Variants in PC observed in about 807,000 individuals in gnomAD.
The protein encoded by PC is pyruvate carboxylase.
Under a neutral mutation model 107.8 loss-of-function variants are expected in PC, and 46 were observed. The ratio of observed to expected loss-of-function variants is 0.43; its 90% CI spans 0.34 to 0.55. PC has a LOEUF of 0.55. Ranked by LOEUF, PC falls within the 20% of genes least tolerant of loss-of-function variation. The probability of loss-of-function intolerance (pLI) is 0.04; values close to 1 mark genes in which losing one functional copy is unlikely to be tolerated. For synonymous variants in PC, 662 were observed against 684.7 expected (o/e 0.97, Z 0.52); for missense variants, 1,241 against 1,643.1 (o/e 0.76, Z 4.23).
Position 66,871,052 on chromosome 11 carries a change from C to T in PC, c.633G>A (p.Glu211=). Residue 211 remains glutamate, a splice_region_variant and synonymous_variant, in exon 7 of 23, where the codon GAG becomes GAA. Coordinates refer to ENST00000393960, the MANE Select transcript of PC (RefSeq NM_001040716.2). The surrounding 1 kb of genome is among the most constrained non-coding windows in gnomAD (Gnocchi z 7.4). The part of the protein sequence containing the change: ...GRGMRVVHSY[E]ELEENYTRAY... ...CCCAGCCCTGGGCATCTTCACTCAC[C>T]TCGTAGCTGTGCACCACCCTCATGC... The T allele has an allele frequency of 6.2e-7, 1 of 1,614,062 alleles. No individual in the cohort carries two copies. The highest frequency in any genetic ancestry group is 1.3e-5 in the African/African-American group (1 of 75,062).
intron 21 of PC, 98 bp from the exon 22 acceptor site, chr11:66,849,468 C>T: frequency 6.2e-7 from 1 of 1,602,964 alleles, no homozygotes; most frequent in Non-Finnish European, 8.5e-7. Flanking sequence ...GCCTTGGCTC[C>T]TCGTTCCTAA....
At position 66,858,197 on chromosome 11, in the gene PC, C is replaced by T; in HGVS notation, c.1369-4814G>A. ...TCCTAGAGAGCCTGGAGGACCTGGA[C>T]CTGTCCTACAACAACCTCCGGCAGG... On this transcript the variant is annotated intron_variant, in intron 12 of 22. Coordinates refer to ENST00000393960, the MANE Select transcript of PC (RefSeq NM_001040716.2). The surrounding 1 kb of genome is among the most constrained non-coding windows in gnomAD (Gnocchi z 5.9). 1.2e-6 allele frequency: 2 copies of T among 1,612,392 alleles called. No homozygotes were observed. The highest frequency in any genetic ancestry group is 1.7e-6 in the Non-Finnish European group (2 of 1,179,772).
intron 3 of PC, among the ~76,000 whole-genome samples, chr11:66,915,499 C>T (rs901296057): frequency 3.9e-5 from 6 of 152,218 alleles, no homozygotes; most frequent in Non-Finnish European, 8.8e-5. Context: ...CAGTCCTGCT[C>T]GGTAAACAGT....
At position 66,866,313 on chromosome 11, in the gene PC, C is replaced by G. The variant is rs559341503; in HGVS notation, c.1059G>C (p.Glu353Asp). The change falls in exon 11 of 23, where the codon GAG (glutamate) becomes GAC (aspartate). Residue 353 changes from glutamate (E) to aspartate (D), a missense_variant. Coordinates refer to ENST00000393960, the MANE Select transcript of PC (RefSeq NM_001040716.2). This position sits in a 1 kb window ranked among gnomAD's most constrained non-coding sequence, Gnocchi z 5.4. Reference protein sequence around the residue: ...DLVHAQIHVAEGRSLPDLGLR... With the variant: ...DLVHAQIHVADGRSLPDLGLR... ...GGCCCAGGTCGGGTAGGCTCCTGCCCTCAGCCACGTGGATCTGAGCATGGA... is the reference window on the plus strand; with the variant it reads ...GGCCCAGGTCGGGTAGGCTCCTGCCGTCAGCCACGTGGATCTGAGCATGGA... 1.2e-6 allele frequency: 2 copies of G among 1,613,122 alleles called. No homozygotes were observed. Among genetic ancestry groups the G allele is most frequent in the Non-Finnish European group, 1.7e-6 (2 of 1,179,874 alleles).
Position 66,849,696 on chromosome 11 carries a change from T to C in PC, c.3062A>G (p.Lys1021Arg), listed in dbSNP as rs1229618304. 6.2e-7 allele frequency: 1 copy of C among 1,614,218 alleles called. No homozygotes were observed. ...AMYPDVFAHF[K>R]DFTATFGPLD... ...GGGGCCAAAGGTGGCAGTGAAGTCC[T>C]TGAAGTGGGCAAACACATCGGGGTA... Residue 1021 changes from lysine (K) to arginine (R), a missense_variant, in exon 21 of 23, where the codon AAG becomes AGG. By Grantham distance (26) the Lys-to-Arg change is conservative. This residue lies in a region of PC where 1,143 missense variants were observed against 1,551.9 expected (regional missense o/e 0.74). Transcript: ENST00000393960.
chr11:66,865,854 G>A (rs1032838620), intron 11 of PC, among the ~76,000 whole-genome samples: 2 of 152,074 alleles, frequency 1.3e-5, no homozygotes, highest in African/African-American at 2.4e-5. Context: ...GGGCTCCGTC[G>A]GCAGCCAGGC....
chr11:66,867,572 G>A (rs900958123), intron 10 of PC, among the ~76,000 whole-genome samples: 6 of 152,158 alleles, frequency 3.9e-5, no homozygotes, highest in Admixed American at 3.3e-4. Context: ...TCTCCACGAC[G>A]GTGTGCTGAG....
In PC at chr11:66,852,848, G is replaced by A. The variant is rs768308367; in HGVS notation, c.1514-12C>T. Reference sequence around the variant, plus strand: ...TACCATGACATGGCCTGGGGAGAAAGCGGGCAGTGGGTCAGGGTGGGCTGG... The same window carrying A: ...TACCATGACATGGCCTGGGGAGAAAACGGGCAGTGGGTCAGGGTGGGCTGG... On this transcript the variant is annotated splice_polypyrimidine_tract_variant and intron_variant, in intron 13 of 22. Transcript: ENST00000393960. This position sits in a 1 kb window ranked among gnomAD's most constrained non-coding sequence, Gnocchi z 4.7. The A allele has an allele frequency of 3.9e-6, 6 of 1,553,072 alleles. No individual in the cohort carries two copies. In the Admixed American group the frequency reaches 1.1e-4, roughly 28 times the overall value.
intron 11 of PC, among the ~76,000 whole-genome samples, chr11:66,865,404 G>A (rs1182947888): frequency 6.6e-6 from 1 of 152,270 alleles, no homozygotes; most frequent in Non-Finnish European, 1.5e-5. Flanking sequence ...CAAGTCCCTA[G>A]CACAGCTGGC....
At chr11:66,950,467 G>C (rs550031005) in intron 3 of PC, among the ~76,000 whole-genome samples, 1 of 152,196 alleles carries the variant, frequency 6.6e-6, no homozygotes, top group East Asian at 1.9e-4. Context: ...GGAGTACCTG[G>C]GGTAACGCCT....
Position 66,859,102 on chromosome 11 carries a change from G to A in PC, c.1368+4672C>T, listed in dbSNP as rs764472221. The A allele has an allele frequency of 6.7e-6, 10 of 1,484,080 alleles. No homozygotes were observed. The African/African-American group carries it at 7.2e-5, about 11-fold the overall frequency. 91.9% of individuals were successfully genotyped at this position (1,484,080 alleles called of 1,614,324 possible). ...GAGACCCTCATCTACCGGTGAGGAT[G>A]CGTGCCCCACACCCGGCTGCACTCC... On this transcript the variant is annotated intron_variant, in intron 12 of 22. Transcript: ENST00000393960.
intron 3 of PC, among the ~76,000 whole-genome samples, chr11:66,912,762 A>G (rs547310838): frequency 1.3e-5 from 2 of 152,202 alleles, no homozygotes; most frequent in Admixed American, 1.3e-4. Context: ...AAGAAGCAGC[A>G]AGGGAAGAGG....
chr11:66,883,411 T>C (rs2135987938), intron 3 of PC, among the ~76,000 whole-genome samples: 1 of 152,148 alleles, frequency 6.6e-6, no homozygotes, highest in South Asian at 2.1e-4. Flanking sequence ...CATGGGAAGG[T>C]CACTTGTCCC....
At chr11:66,940,105 G>A (rs903622417) in intron 3 of PC, among the ~76,000 whole-genome samples, 6 of 151,856 alleles carry the variant, frequency 4.0e-5, no homozygotes, top group Non-Finnish European at 7.4e-5. Context: ...ATTATCATGG[G>A]GTAAAAAGGC....
In PC at chr11:66,849,041, G is replaced by A. The variant is rs1945309101; in HGVS notation, c.3395C>T (p.Ala1132Val). 6.2e-7 allele frequency: 1 copy of A among 1,613,926 alleles called. No individual in the cohort carries two copies. Among genetic ancestry groups the A allele is most frequent in the South Asian group, 1.1e-5 (1 of 91,088 alleles). Residue 1132 changes from alanine to valine, a missense_variant, in exon 23 of 23, where the codon GCC (alanine) becomes GTC (valine). This residue lies in a region of PC where 98 missense variants were observed against 91.2 expected (regional missense o/e 1.07). Coordinates refer to ENST00000393960, the MANE Select transcript of PC (RefSeq NM_001040716.2). ...GAGCACACACAGGGGCTGGCCCTTG[G>A]CCACCTTGGCCCCTGCCACCACTTT... The part of the protein sequence containing the change: ...DIKVVAGAKV[A>V]KGQPLCVLSA...
chr11:66,951,484 G>A (rs915954094), intron 3 of PC, among the ~76,000 whole-genome samples: 1 of 152,152 alleles, frequency 6.6e-6, no homozygotes, highest in African/African-American at 2.4e-5. Flanking sequence ...GGCCGGACGC[G>A]CTGGCTCACA....
chr11:66,851,317 C>A (rs1309227313), intron 16 of PC, 37 bp from the exon 17 acceptor site: 1 of 1,599,344 alleles, frequency 6.3e-7, no homozygotes, highest in South Asian at 1.1e-5. Flanking sequence ...GAGCCCCACC[C>A]CACCTCCCTC....
At chr11:66,931,198 G>A (rs1017560334) in intron 3 of PC, among the ~76,000 whole-genome samples, 1 of 151,924 alleles carries the variant, frequency 6.6e-6, no homozygotes, top group African/African-American at 2.4e-5. Flanking sequence ...GGCCAACATG[G>A]TGAAACTTCG....
intron 3 of PC, among the ~76,000 whole-genome samples, chr11:66,922,711 C>T (rs528579819): frequency 1.0e-3 from 155 of 152,244 alleles, no homozygotes; most frequent in Non-Finnish European, 1.9e-3. Context: ...ACATGGCTGC[C>T]AGCAACACAG....
Sources: allele counts gnomAD v4.1 joint callset (sites outside exome capture counted in the v4.1 genomes callset), GRCh38; gene constraint gnomAD v4.1.1; regional missense constraint gnomAD v4.1.1; non-coding constraint Gnocchi (gnomAD v3.1); transcripts MANE v1.5; gene names NCBI Gene and HGNC (gene_info 2026-07-23, HGNC 2026-07-21).